ZNRF3: variants seen among roughly 807,000 people sequenced by gnomAD.
ZNRF3 encodes zinc and ring finger 3, also known as E3 ubiquitin-protein ligase ZNRF3.
A neutral mutation model predicts 72.5 loss-of-function variants in ZNRF3; 23 were observed. The observed-to-expected ratio is 0.32, with a 90% confidence interval of 0.23 to 0.45. The LOEUF is 0.45. ZNRF3 is among the 20% of genes least tolerant of loss of function. The probability of loss-of-function intolerance (pLI) is 1.00; values close to 1 mark genes in which losing one functional copy is unlikely to be tolerated. For synonymous variants in ZNRF3, 610 were observed against 545.3 expected (o/e 1.12, Z -1.65); for missense variants, 1,169 against 1,272.1 (o/e 0.92, Z 1.23).
chr22:29,052,162 C>T (rs1399656431), intron 8 of ZNRF3, among the ~76,000 whole-genome samples: 1 of 152,188 alleles, frequency 6.6e-6, no homozygotes, highest in Non-Finnish European at 1.5e-5. Flanking sequence ...AGTAGCACTG[C>T]AACAAGATCT....
At chr22:28,948,444 G>T (rs1003817753) in intron 1 of ZNRF3, among the ~76,000 whole-genome samples, 2 of 152,242 alleles carry the variant, frequency 1.3e-5, no homozygotes, top group African/African-American at 2.4e-5. Flanking sequence ...GGGATTACAG[G>T]TGTTGGCCCA....
chr22:29,037,404 A>G (rs918036292), intron 2 of ZNRF3, among the ~76,000 whole-genome samples: 1 of 152,238 alleles, frequency 6.6e-6, no homozygotes, highest in African/African-American at 2.4e-5. Context: ...TCTAGACTCA[A>G]TCTTACTAGT....
chr22:28,927,654 G>A (rs758839298), intron 1 of ZNRF3, among the ~76,000 whole-genome samples: 33 of 152,310 alleles, frequency 2.2e-4, no homozygotes, highest in South Asian at 8.3e-4. Flanking sequence ...TCGCTGTTGT[G>A]AACAGGAGCT....
chr22:28,967,925 CAAA>C (rs371787941), intron 1 of ZNRF3, among the ~76,000 whole-genome samples: 6 of 70,600 alleles, frequency 8.5e-5, no homozygotes, highest in East Asian at 3.9e-4. Flanking sequence ...CACCGTGTCT[CAAA>C]AAAAAAAAAA....
chr22:28,948,857 T>C (rs1315792306), intron 1 of ZNRF3, among the ~76,000 whole-genome samples: 1 of 152,242 alleles, frequency 6.6e-6, no homozygotes, highest in Non-Finnish European at 1.5e-5. Context: ...CTTTTACTAA[T>C]GAATGATTTT....
At chr22:28,942,768 T>C (rs192027093) in intron 1 of ZNRF3, among the ~76,000 whole-genome samples, 10 of 152,344 alleles carry the variant, frequency 6.6e-5, no homozygotes, top group Admixed American at 4.6e-4. Flanking sequence ...GAGCAGCTTC[T>C]ACTCAAATTA....
At chr22:28,994,111 T>G (rs1434947483) in intron 2 of ZNRF3, among the ~76,000 whole-genome samples, 1 of 151,732 alleles carries the variant, frequency 6.6e-6, no homozygotes, top group Non-Finnish European at 1.5e-5. Flanking sequence ...AAACCAGGTG[T>G]TGACTCTTAT....
chr22:29,010,777 C>A (rs1287009368), intron 2 of ZNRF3, among the ~76,000 whole-genome samples: 2 of 152,212 alleles, frequency 1.3e-5, no homozygotes, highest in East Asian at 3.8e-4. Context: ...TCAAGCAGTT[C>A]TTGTGCTTCA....
intron 1 of ZNRF3, among the ~76,000 whole-genome samples, chr22:28,979,919 C>T (rs1034038005): frequency 6.6e-5 from 10 of 152,088 alleles, no homozygotes; most frequent in East Asian, 1.9e-4. Flanking sequence ...AAGAAAGCTC[C>T]GTGGAAGGGG....
intron 1 of ZNRF3, among the ~76,000 whole-genome samples, chr22:28,938,736 T>C (rs1192681168): frequency 2.6e-5 from 4 of 152,130 alleles, no homozygotes; most frequent in African/African-American, 7.2e-5. Flanking sequence ...CACAGTCTTA[T>C]AGCTGAGGGG....
chr22:29,049,750 C>G lies in ZNRF3; in HGVS notation c.1569C>G (p.Ser523Arg). 6.3e-7 allele frequency: 1 copy of G among 1,593,628 alleles called. No homozygotes were observed. The highest frequency in any genetic ancestry group is 8.6e-7 in the Non-Finnish European group (1 of 1,168,204). The part of the protein sequence containing the change: ...VHVAPPSHLE[S>R]GSTSSFSCYH... ...TGGCCCCGCCCTCCCACCTGGAGAG[C>G]GGCAGCACGTCCAGCTTCAGCTGCT... Residue 523 changes from serine (S) to arginine (R), a missense_variant, in exon 8 of 9, where the codon AGC becomes AGG. Physicochemically the swap from Ser to Arg is moderately radical, Grantham distance 110. Coordinates refer to ENST00000544604, the MANE Select transcript of ZNRF3 (RefSeq NM_001206998.2). This position sits in a 1 kb window ranked among gnomAD's most constrained non-coding sequence, Gnocchi z 5.2.
At chr22:28,899,145 T>C (rs2034058262) in intron 1 of ZNRF3, among the ~76,000 whole-genome samples, 1 of 152,152 alleles carries the variant, frequency 6.6e-6, no homozygotes, top group South Asian at 2.1e-4. Flanking sequence ...GAAGAGATTA[T>C]AGTTTTGAAG....
intron 2 of ZNRF3, among the ~76,000 whole-genome samples, chr22:28,999,100 T>A (rs1364875538): frequency 6.6e-6 from 1 of 151,082 alleles, no homozygotes; most frequent in Non-Finnish European, 1.5e-5. Flanking sequence ...GGCGGATCAC[T>A]TGAGGTCAGG....
chr22:28,916,337 G>A (rs1196522630), intron 1 of ZNRF3, among the ~76,000 whole-genome samples: 4 of 152,128 alleles, frequency 2.6e-5, no homozygotes, highest in Non-Finnish European at 5.9e-5. Flanking sequence ...TGGGATTATA[G>A]GCATGAGCCA....
chr22:29,010,736 C>T (rs1395812974), intron 2 of ZNRF3, among the ~76,000 whole-genome samples: 1 of 152,206 alleles, frequency 6.6e-6, no homozygotes, highest in Admixed American at 6.5e-5. Flanking sequence ...ATGCTACCAT[C>T]TCAACTCACT....
At chr22:28,905,723 C>A (rs2034194241) in intron 1 of ZNRF3, among the ~76,000 whole-genome samples, 2 of 152,130 alleles carry the variant, frequency 1.3e-5, no homozygotes, top group African/African-American at 4.8e-5. Flanking sequence ...GGCTGTGCCT[C>A]CTATTAGGTG....
intron 1 of ZNRF3, among the ~76,000 whole-genome samples, chr22:28,886,373 G>C (rs1337817792): frequency 6.6e-6 from 1 of 152,192 alleles, no homozygotes; most frequent in African/African-American, 2.4e-5. Context: ...ATAAATTGCT[G>C]TCCAGCTTTG....
intron 2 of ZNRF3, chr22:29,025,720 C>G (rs2036622486): frequency 6.6e-6 from 1 of 152,182 alleles, no homozygotes; most frequent in South Asian, 2.1e-4. Context: ...CGGGGTTTCA[C>G]CATATTGGCC....
rs1002296120 is a variant in ZNRF3 at position 29,030,644 on chromosome 22, C to T, written c.427-11851C>T. On this transcript the variant is annotated intron_variant, in intron 2 of 8. Transcript: ENST00000544604. This position sits in a 1 kb window ranked among gnomAD's most constrained non-coding sequence, Gnocchi z 4.2. ...CGGCCGGTGGCGAGGAGGGCACTTT[C>T]CCGGGTCGGAGAAGGCCGGATGGCA... Among the ~76,000 whole-genome samples the T allele has an allele frequency of 2.0e-5, 3 of 151,908 alleles. No homozygotes were observed. The highest frequency in any genetic ancestry group is 4.4e-5 in the Non-Finnish European group (3 of 67,952).
Sources: gnomAD v4.1 joint callset for allele counts (sites outside exome capture counted in the v4.1 genomes callset) on GRCh38, gnomAD v4.1.1 for gene constraint, Gnocchi (gnomAD v3.1) non-coding constraint, MANE v1.5 for transcripts, NCBI Gene and HGNC (gene_info 2026-07-23, HGNC 2026-07-21) for gene names.